The following COL23A1 variants were observed in gnomAD, a reference collection of about 807,000 sequenced individuals.
COL23A1 encodes collagen type XXIII alpha 1 chain, also known as collagen alpha-1(XXIII) chain.
A neutral mutation model predicts 99.3 loss-of-function variants in COL23A1; 97 were observed. The observed-to-expected ratio is 0.98, with a 90% CI of 0.83 to 1.16. COL23A1 has a LOEUF of 1.16. Among genes scored for constraint, COL23A1 ranks in the 50% most tolerant of loss-of-function variants. COL23A1 has a pLI of 0.00. For missense variants in COL23A1, 762 were observed against 757.4 expected, an observed-to-expected ratio of 1.01 and a Z score of -0.07; for synonymous variants, 320 against 308.2, an observed-to-expected ratio of 1.04 and a Z score of -0.40.
At chr5:178,564,728 T>C (rs1430131444) in intron 1 of COL23A1, among the ~76,000 whole-genome samples, 1 of 152,160 alleles carries the variant, frequency 6.6e-6, no homozygotes, top group Non-Finnish European at 1.5e-5. Flanking sequence ...CATGACATGG[T>C]CAGAGGATAC....
At chr5:178,547,711 AC>A (rs1761727986) in intron 2 of COL23A1, among the ~76,000 whole-genome samples, 1 of 4,818 alleles carries the variant, frequency 2.1e-4, no homozygotes, top group Non-Finnish European at 3.4e-4. Flanking sequence ...ACCCATACAC[AC>A]CCCCCACACC....
chr5:178,271,438 GCC>G (rs1756282024), intron 5 of COL23A1, among the ~76,000 whole-genome samples: 1 of 152,204 alleles, frequency 6.6e-6, no homozygotes, highest in African/African-American at 2.4e-5. Flanking sequence ...CTTCCAGGAA[GCC>G]TTCTAGGGTT....
At chr5:178,465,818 G>C (rs1405572170) in intron 2 of COL23A1, among the ~76,000 whole-genome samples, 1 of 152,248 alleles carries the variant, frequency 6.6e-6, no homozygotes, top group South Asian at 2.1e-4. Flanking sequence ...AGTCCTCTGA[G>C]GGACTGGCGT....
At chr5:178,506,538 G>C (rs1758883153) in intron 2 of COL23A1, among the ~76,000 whole-genome samples, 1 of 152,346 alleles carries the variant, frequency 6.6e-6, no homozygotes, top group Admixed American at 6.5e-5. Context: ...GTGGGAGGTG[G>C]GAAGTAGGGT....
At chr5:178,541,099 C>G (rs1761259829) in intron 2 of COL23A1, among the ~76,000 whole-genome samples, 1 of 152,132 alleles carries the variant, frequency 6.6e-6, no homozygotes, top group Non-Finnish European at 1.5e-5. Flanking sequence ...TACTAACTAT[C>G]AAGTTTTGGG....
At chr5:178,357,942 GTGTGTGTATGTATA>G (rs1761806104) in intron 2 of COL23A1, among the ~76,000 whole-genome samples, 2 of 133,412 alleles carry the variant, frequency 1.5e-5, no homozygotes, top group East Asian at 4.1e-4. Context: ...GTGTATGTAT[GTGTGTGTATGTATA>G]TGTGTGTATG....
At chr5:178,587,359 C>A (rs756258678) in intron 1 of COL23A1, among the ~76,000 whole-genome samples, 1 of 152,142 alleles carries the variant, frequency 6.6e-6, no homozygotes, top group Non-Finnish European at 1.5e-5. Flanking sequence ...TCTTCATTAT[C>A]GGGCACATCA....
intron 2 of COL23A1, among the ~76,000 whole-genome samples, chr5:178,432,347 T>G (rs1766308848): frequency 6.6e-6 from 1 of 152,166 alleles, no homozygotes; most frequent in Non-Finnish European, 1.5e-5. Context: ...CAGAGGACAT[T>G]TTAAATGACC....
rs190188805 is a variant in COL23A1, at chr5:178,444,072, C to T, written c.361+116610G>A. On this transcript the variant is annotated intron_variant, in intron 2 of 28. Transcript: ENST00000390654. The stretch of plus-strand genomic sequence containing the variant: ...AAAAAATTAGCCAGGTGTGGTGGCA[C>T]ATTCCTGTCTGTAGTCCCAGCTACT... Among the ~76,000 whole-genome samples the T allele has an allele frequency of 4.4e-4, 67 of 151,842 alleles. 2 individuals are homozygous for T. Among genetic ancestry groups the T allele is most frequent in the Non-Finnish European group, 1.8e-4 (12 of 67,898 alleles).
chr5:178,248,798 C>A (rs757839303), intron 19 of COL23A1, among the ~76,000 whole-genome samples: 1 of 152,178 alleles, frequency 6.6e-6, no homozygotes, highest in African/African-American at 2.4e-5. Context: ...TCAGCCGGGA[C>A]GGAGCTGGAT....
chr5:178,426,173 T>C (rs1411116282), intron 2 of COL23A1, among the ~76,000 whole-genome samples: 1 of 152,152 alleles, frequency 6.6e-6, no homozygotes, highest in African/African-American at 2.4e-5. Context: ...TAAACAAAGA[T>C]CTATAAGACC....
chr5:178,282,052 C>CAA (rs70994994), intron 5 of COL23A1, among the ~76,000 whole-genome samples: 2 of 98,682 alleles, frequency 2.0e-5, no homozygotes, highest in African/African-American at 3.7e-5. Flanking sequence ...ACACTGTCTC[C>CAA]AAAAAAAAAA....
chr5:178,308,923 T>TGC lies in COL23A1; in HGVS notation c.362-2005_362-2004insGC. ...ACACGCAGCACCATGTTCCTCGGGC[T>TGC]GTAGGAGGAAGAAGGCCCAGTGGCC... On this transcript the variant is annotated intron_variant, in intron 2 of 28. Coordinates refer to ENST00000390654, the MANE Select transcript of COL23A1 (RefSeq NM_173465.4). This position sits in a 1 kb window ranked among gnomAD's most constrained non-coding sequence, Gnocchi z 5.1. Among the ~76,000 whole-genome samples, 1 of 152,086 alleles carries TGC rather than the reference T, an allele frequency of 6.6e-6. No homozygotes were observed. The highest frequency in any genetic ancestry group is 2.1e-4 in the South Asian group (1 of 4,822).
chr5:178,405,475 T>C (rs1410153683), intron 2 of COL23A1, among the ~76,000 whole-genome samples: 2 of 152,222 alleles, frequency 1.3e-5, no homozygotes, highest in Non-Finnish European at 2.9e-5. Flanking sequence ...TAATGCCTCA[T>C]TTATTACACT....
intron 2 of COL23A1, among the ~76,000 whole-genome samples, chr5:178,546,765 G>A (rs1292036173): frequency 5.9e-5 from 9 of 152,288 alleles, no homozygotes; most frequent in African/African-American, 1.9e-4. Flanking sequence ...CGTGACACCC[G>A]CTTCCATCAG....
chr5:178,245,173 CCCTCCACTGCCATCAT>C, intron 25 of COL23A1, among the ~76,000 whole-genome samples: 1 of 151,398 alleles, frequency 6.6e-6, no homozygotes, highest in East Asian at 2.0e-4. Context: ...ATCCCTCCAT[CCCTCCACTGCCATCAT>C]CATCCATCCA....
At chr5:178,446,534 A>T (rs1156246850) in intron 2 of COL23A1, among the ~76,000 whole-genome samples, 1 of 152,142 alleles carries the variant, frequency 6.6e-6, no homozygotes, top group Non-Finnish European at 1.5e-5. Context: ...TTCTTTCATT[A>T]GGAGAAAAAA....
At chr5:178,523,275 G>C (rs1051364393) in intron 2 of COL23A1, among the ~76,000 whole-genome samples, 3 of 145,432 alleles carry the variant, frequency 2.1e-5, no homozygotes, top group Admixed American at 7.0e-5. Flanking sequence ...GAGAGAGAGA[G>C]AGAGCGCTAG....
rs573752756 is a variant in COL23A1, at chr5:178,238,589, G to C, written c.*109C>G. On this transcript the variant is annotated 3_prime_UTR_variant, in exon 29 of 29. Transcript: ENST00000390654. ...TGGGCATACTCTTGAATGTTAAAAG[G>C]CCACAGGTAGCGCATTCCATGAAAA... 1.4e-6 allele frequency: 2 copies of C among 1,434,704 alleles called. No individual in the cohort carries two copies. The highest frequency in any genetic ancestry group is 2.8e-5 in the African/African-American group (2 of 70,744). The allele number at this position is 1,434,704 out of a possible 1,614,324, so 88.9% of individuals were successfully genotyped here.
Sources: gnomAD v4.1 joint callset for allele counts (sites outside exome capture counted in the v4.1 genomes callset) on GRCh38, gnomAD v4.1.1 for gene constraint, Gnocchi (gnomAD v3.1) non-coding constraint, MANE v1.5 for transcripts, NCBI Gene and HGNC (gene_info 2026-07-23, HGNC 2026-07-21) for gene names.